Variants in ADRM1 observed in about 807,000 individuals in gnomAD.
ADRM1 encodes the protein ADRM1 26S proteasome ubiquitin receptor.
Under a neutral mutation model 40.1 loss-of-function variants are expected in ADRM1, and 2 were observed. That is an observed-to-expected ratio of 0.05 (90% CI 0.02 to 0.16). ADRM1 has a LOEUF of 0.16. ADRM1 is among the 10% of genes least tolerant of loss of function. ADRM1 has a pLI of 1.00. For synonymous variants in ADRM1, 287 were observed against 240.4 expected, an observed-to-expected ratio of 1.19 and a Z score of -1.79; for missense variants, 467 against 552.5, an observed-to-expected ratio of 0.85 and a Z score of 1.55.
chr20:62,303,316 C>T (rs903256201), intron 1 of ADRM1: 4 of 342,160 alleles, frequency 1.2e-5, no homozygotes, highest in African/African-American at 6.4e-5. Context: ...AGGCTGGTGC[C>T]CCGCGGAGAC....
chr20:62,306,846 T>C, intron 5 of ADRM1, 112 bp downstream of exon 5: 1 of 1,045,972 alleles, frequency 9.6e-7, no homozygotes, highest in Non-Finnish European at 1.4e-6. Context: ...TCGGGGAGCC[T>C]GTGTGTCCGC....
In ADRM1 at chr20:62,308,834, T is replaced by A; in HGVS notation, c.*73T>A. ...ACCCTCACCTCCCACCCACTGATTA[T>A]TAATAAAGTCTTTTCTTTTACCTGC... is the stretch of plus-strand genomic sequence containing the variant. On this transcript the variant is annotated 3_prime_UTR_variant, in exon 10 of 10. Transcript: ENST00000253003. 3 of 1,557,464 alleles carry A rather than the reference T, an allele frequency of 1.9e-6. No individual in the cohort carries two copies. Among genetic ancestry groups the A allele is most frequent in the South Asian group, 2.4e-5 (2 of 83,840 alleles).
chr20:62,308,330 C>A, intron 8 of ADRM1, 38 bp from the exon 9 acceptor site: 1 of 1,564,650 alleles, frequency 6.4e-7, no homozygotes, highest in East Asian at 2.3e-5. Context: ...GGGTGCAGCC[C>A]GGGTTGGAGC....
Position 62,307,364 on chromosome 20 carries a change from C to T in ADRM1, c.542-7C>T. 3 of 1,598,926 alleles carry T rather than the reference C, an allele frequency of 1.9e-6. No homozygotes were observed. Reference sequence around the variant, plus strand: ...ATCCTGAGCTCGCATTTCCTTGCCCCTCGCAGGTGGGCTGGGGGCCCTGAC... The same window carrying T: ...ATCCTGAGCTCGCATTTCCTTGCCCTTCGCAGGTGGGCTGGGGGCCCTGAC... On this transcript the variant is annotated splice_region_variant and splice_polypyrimidine_tract_variant and intron_variant, in intron 5 of 9. Coordinates refer to ENST00000253003, the MANE Select transcript of ADRM1 (RefSeq NM_007002.4).
chr20:62,307,562 G>A (rs374146920), intron 6 of ADRM1, 34 bp from the exon 7 acceptor site: 37 of 1,602,886 alleles, frequency 2.3e-5, no homozygotes, highest in Middle Eastern at 1.6e-4. Context: ...CGTGTGGGGC[G>A]TGTCCGCTCC....
intron 2 of ADRM1, chr20:62,304,221 GA>G: frequency 1.8e-6 from 1 of 544,930 alleles, no homozygotes; most frequent in Admixed American, 3.1e-5. Flanking sequence ...GCACGTCTCA[GA>G]AACCCCGTTG....
chr20:62,304,890 G>T (rs934172982), intron 3 of ADRM1, among the ~76,000 whole-genome samples: 1 of 152,194 alleles, frequency 6.6e-6, no homozygotes, highest in Non-Finnish European at 1.5e-5. Context: ...GGTCACTGAG[G>T]CCCCCACAGC....
intron 3 of ADRM1, 125 bp from the exon 4 acceptor site, chr20:62,306,072 T>C: frequency 7.5e-7 from 1 of 1,336,284 alleles, no homozygotes; most frequent in Non-Finnish European, 1.0e-6. Flanking sequence ...CTCAGCATTG[T>C]GTGGCCAGGC....
At chr20:62,305,042 A>C (rs1208247417) in intron 3 of ADRM1, among the ~76,000 whole-genome samples, 1 of 152,218 alleles carries the variant, frequency 6.6e-6, no homozygotes, top group Non-Finnish European at 1.5e-5. Context: ...TCTCTTACCC[A>C]CAGCTGCAGA....
intron 4 of ADRM1, 130 bp from the exon 5 acceptor site, chr20:62,306,518 C>T (rs1984995038): frequency 7.8e-7 from 1 of 1,286,858 alleles, no homozygotes; most frequent in Non-Finnish European, 1.1e-6. Flanking sequence ...ACCGTCGCCT[C>T]ACTTCAAGTG....
Sources: allele counts gnomAD v4.1 joint callset (sites outside exome capture counted in the v4.1 genomes callset), GRCh38; gene constraint gnomAD v4.1.1; transcripts MANE v1.5; gene names NCBI Gene and HGNC (gene_info 2026-07-23, HGNC 2026-07-21).